Variants in NBAS observed in about 807,000 individuals in gnomAD.
NBAS encodes NBAS subunit of NRZ tethering complex, also known as NAG/BC035112 fusion.
Under a neutral mutation model 302.5 loss-of-function variants are expected in NBAS, and 219 were observed. The ratio of observed to expected loss-of-function variants is 0.72; its 90% CI spans 0.65 to 0.81. The LOEUF (loss-of-function observed/expected upper bound fraction) is 0.81. NBAS is among the 30% of genes least tolerant of loss of function. The pLI is 0.00. For missense variants in NBAS, 2,932 were observed against 2,841.6 expected, an observed-to-expected ratio of 1.03 and a Z score of -0.72; for synonymous variants, 1,118 against 1,021.6, an observed-to-expected ratio of 1.09 and a Z score of -1.80.
At chr2:15,323,539 T>C (rs1417738228) in intron 38 of NBAS, among the ~76,000 whole-genome samples, 2 of 152,152 alleles carry the variant, frequency 1.3e-5, no homozygotes, top group Non-Finnish European at 2.9e-5. Context: ...CACAACTGAA[T>C]TCCCTGAGGT....
the NBAS span, among the ~76,000 whole-genome samples, chr2:15,063,710 C>T: frequency 6.6e-6 from 1 of 152,094 alleles, no homozygotes; most frequent in Admixed American, 6.5e-5. Context: ...CGAGAATGTG[C>T]ACACACAGAG....
intron 11 of NBAS, among the ~76,000 whole-genome samples, chr2:15,492,018 T>C (rs1680877705): frequency 6.6e-6 from 1 of 152,222 alleles, no homozygotes; most frequent in South Asian, 2.1e-4. Context: ...GGTGGATACT[T>C]GATCCCCTTA....
intron 38 of NBAS, among the ~76,000 whole-genome samples, chr2:15,312,275 T>C (rs1247559646): frequency 3.3e-5 from 5 of 152,160 alleles, no homozygotes; most frequent in African/African-American, 1.2e-4. Flanking sequence ...CATTCTTTTT[T>C]TTTCTTTACT....
the NBAS span, among the ~76,000 whole-genome samples, chr2:15,138,836 G>T: frequency 6.6e-6 from 1 of 152,224 alleles, no homozygotes; most frequent in African/African-American, 2.4e-5. Context: ...AAAGAATGAA[G>T]AGTGGAATAA....
chr2:14,920,969 T>G, the NBAS span, among the ~76,000 whole-genome samples: 1 of 152,130 alleles, frequency 6.6e-6, no homozygotes, highest in East Asian at 1.9e-4. Flanking sequence ...CAGGAACTTT[T>G]CCTTTGTAAT....
the NBAS span, among the ~76,000 whole-genome samples, chr2:14,874,072 G>T: frequency 4.2e-3 from 640 of 152,128 alleles, 8 homozygotes; most frequent in African/African-American, 0.015. Context: ...AGGAGAAAAA[G>T]CAAAGACACA....
chr2:14,830,461 T>A, the NBAS span, among the ~76,000 whole-genome samples: 1 of 151,930 alleles, frequency 6.6e-6, no homozygotes, highest in African/African-American at 2.4e-5. Context: ...CCAGAAAAAA[T>A]TGGTTTTGCA....
chr2:15,483,293 TTA>T (rs1680503128), intron 12 of NBAS: 1 of 392,800 alleles, frequency 2.5e-6, no homozygotes, highest in Admixed American at 3.3e-5. Flanking sequence ...CAGCTGTGGA[TTA>T]TATCAAGATT....
chr2:15,284,158 T>TG (rs1339582144), intron 42 of NBAS, among the ~76,000 whole-genome samples: 2 of 125,150 alleles, frequency 1.6e-5, no homozygotes, highest in South Asian at 2.5e-4. Context: ...AAGCGGGAAA[T>TG]GGAAAAAAAA....
At chr2:15,054,439 C>T in the NBAS span, among the ~76,000 whole-genome samples, 1 of 152,224 alleles carries the variant, frequency 6.6e-6, no homozygotes, top group Non-Finnish European at 1.5e-5. Flanking sequence ...CTTTACATAG[C>T]TTTCATTCTC....
the NBAS span, among the ~76,000 whole-genome samples, chr2:15,107,773 A>G: frequency 6.6e-6 from 1 of 152,142 alleles, no homozygotes; most frequent in Non-Finnish European, 1.5e-5. Flanking sequence ...TATAACTATC[A>G]CCGCAATTCA....
the NBAS span, among the ~76,000 whole-genome samples, chr2:14,924,336 T>C: frequency 1.3e-5 from 2 of 152,236 alleles, no homozygotes; most frequent in African/African-American, 4.8e-5. Flanking sequence ...GGTGCTCATT[T>C]GAAAGTCTGC....
Position 15,253,882 on chromosome 2 carries a change from ATCTTGCCTTTAGCCTTC to A in NBAS, c.5725-15213_5725-15197del, listed in dbSNP as rs551517681. On this transcript the variant is annotated intron_variant, in intron 44 of 51. Transcript: ENST00000281513. ...GGGAGATCTAATTTAGCCAACCCCC[ATCTTGCCTTTAGCCTTC>A]AAGCTGTCAGACATTTAGTTTATAG... is the stretch of plus-strand genomic sequence containing the variant. Among the ~76,000 whole-genome samples, 18 of 152,268 alleles carry A rather than the reference ATCTTGCCTTTAGCCTTC, an allele frequency of 1.2e-4. No homozygotes were observed. The East Asian group carries it at 3.3e-3, about 28-fold the overall frequency.
chr2:15,297,913 T>C (rs559304019), intron 40 of NBAS, among the ~76,000 whole-genome samples: 101 of 152,206 alleles, frequency 6.6e-4, no homozygotes, highest in Non-Finnish European at 1.2e-3. Context: ...CATTAGGTTT[T>C]CAACTGGATA....
In NBAS at chr2:15,561,321, G is replaced by A. The variant is rs751640605; in HGVS notation, c.-17C>T. On this transcript the variant is annotated 5_prime_UTR_variant, in exon 1 of 52. Coordinates refer to ENST00000281513, the MANE Select transcript of NBAS (RefSeq NM_015909.4). ...GGCCGCCATGTTCGCCGAGGACTCA[G>A]GCAGCGGAGGAGTGTCTCTACGGAA... 1.2e-5 allele frequency: 19 copies of A among 1,607,214 alleles called. No individual in the cohort carries two copies. The highest frequency in any genetic ancestry group is 3.7e-4 in the Middle Eastern group (2 of 5,410).
chr2:15,038,284 G>A, the NBAS span, among the ~76,000 whole-genome samples: 77 of 151,784 alleles, frequency 5.1e-4, no homozygotes, highest in Middle Eastern at 3.4e-3. Context: ...GCTAATTTTC[G>A]TATTTTTAGT....
At chr2:15,192,537 C>T (rs565459372) in intron 48 of NBAS, among the ~76,000 whole-genome samples, 4 of 152,126 alleles carry the variant, frequency 2.6e-5, no homozygotes, top group South Asian at 4.2e-4. Context: ...GGACAAAAGA[C>T]GGCAGGTTTG....
In NBAS at chr2:15,383,335, A is replaced by G. The variant is rs914679531; in HGVS notation, c.3258-18T>C. On this transcript the variant is annotated intron_variant, in intron 28 of 51. Coordinates refer to ENST00000281513, the MANE Select transcript of NBAS (RefSeq NM_015909.4). ...GAGGCTGCCTGGAAAAACACATAAA[A>G]AAGACAAGGAAGAGGGAAAGAAAAC... 1.9e-6 allele frequency: 3 copies of G among 1,601,654 alleles called. No individual in the cohort carries two copies. The highest frequency in any genetic ancestry group is 1.3e-5 in the African/African-American group (1 of 74,638).
At chr2:15,471,999 T>A (rs1679979603) in intron 16 of NBAS, among the ~76,000 whole-genome samples, 1 of 152,208 alleles carries the variant, frequency 6.6e-6, no homozygotes, top group South Asian at 2.1e-4. Context: ...TATATTAACC[T>A]TAACTATGGG....
Sources: allele counts gnomAD v4.1 joint callset (sites outside exome capture counted in the v4.1 genomes callset), GRCh38; gene constraint gnomAD v4.1.1; transcripts MANE v1.5; gene names NCBI Gene and HGNC (gene_info 2026-07-23, HGNC 2026-07-21).